The following KCNH7 variants were observed in gnomAD, a reference collection of about 807,000 sequenced individuals.
The protein encoded by KCNH7 is voltage-gated inwardly rectifying potassium channel KCNH7.
In KCNH7, 49 loss-of-function variants were observed where a neutral mutation model predicts 120.8. The ratio of observed to expected loss-of-function variants is 0.41; its 90% CI spans 0.32 to 0.51. The LOEUF is 0.51. Ranked by LOEUF, KCNH7 falls within the 20% of genes least tolerant of loss-of-function variation. The pLI is 0.38. For missense variants in KCNH7, 1,097 were observed against 1,446.6 expected, an observed-to-expected ratio of 0.76 and a Z score of 3.92; for synonymous variants, 547 against 516.1, an observed-to-expected ratio of 1.06 and a Z score of -0.81.
intron 2 of KCNH7, among the ~76,000 whole-genome samples, chr2:162,539,161 A>C (rs551617016): frequency 1.3e-5 from 2 of 152,246 alleles, no homozygotes; most frequent in Admixed American, 1.3e-4. Context: ...AAGCAATTTA[A>C]GACTGTTCTA....
intron 2 of KCNH7, among the ~76,000 whole-genome samples, chr2:162,707,772 C>T (rs1686766498): frequency 6.6e-6 from 1 of 152,100 alleles, no homozygotes; most frequent in South Asian, 2.1e-4. Flanking sequence ...TCTGACATCA[C>T]CTACTACTAC....
intron 2 of KCNH7, among the ~76,000 whole-genome samples, chr2:162,738,645 A>T (rs556920780): frequency 1.3e-5 from 2 of 152,274 alleles, no homozygotes; most frequent in South Asian, 4.1e-4. Flanking sequence ...AAAAAAAGAA[A>T]ATCAGTGTGT....
intron 2 of KCNH7, among the ~76,000 whole-genome samples, chr2:162,711,156 G>A (rs1264319113): frequency 1.3e-5 from 2 of 152,224 alleles, no homozygotes; most frequent in African/African-American, 4.8e-5. Flanking sequence ...TTATTAAGGG[G>A]AAATGTAGAT....
At position 162,565,273 on chromosome 2, in the gene KCNH7, C is replaced by A. The variant is rs147584579; in HGVS notation, c.308-28193G>T. ...TAACATAAAATATTTATTTCCTGATCATCACTTGTTTAGCAACAATGCAAA... is the reference window on the plus strand; with the variant it reads ...TAACATAAAATATTTATTTCCTGATAATCACTTGTTTAGCAACAATGCAAA... On this transcript the variant is annotated intron_variant, in intron 2 of 15. Coordinates refer to ENST00000332142, the MANE Select transcript of KCNH7 (RefSeq NM_033272.4). Among the ~76,000 whole-genome samples the A allele has an allele frequency of 4.2e-3, 636 of 152,066 alleles. 13 individuals are homozygous for A. Among genetic ancestry groups the A allele is most frequent in the African/African-American group, 0.014 (593 of 41,494 alleles).
At chr2:162,802,039 A>G (rs2105545182) in intron 2 of KCNH7, among the ~76,000 whole-genome samples, 1 of 151,890 alleles carries the variant, frequency 6.6e-6, no homozygotes. Flanking sequence ...TCACCTAGGA[A>G]TCTTAAGCCA....
At chr2:162,592,289 T>C (rs1405466039) in intron 2 of KCNH7, among the ~76,000 whole-genome samples, 2 of 151,998 alleles carry the variant, frequency 1.3e-5, no homozygotes, top group South Asian at 2.1e-4. Context: ...GAGGCTGATA[T>C]GGTTGTAAGT....
chr2:162,603,024 G>T (rs1694610079), intron 2 of KCNH7, among the ~76,000 whole-genome samples: 2 of 151,718 alleles, frequency 1.3e-5, no homozygotes, highest in Admixed American at 6.6e-5. Context: ...ACTACACAGG[G>T]TTGGACTAGT....
intron 3 of KCNH7, among the ~76,000 whole-genome samples, chr2:162,521,519 T>G (rs1451266121): frequency 6.6e-6 from 1 of 151,910 alleles, no homozygotes; most frequent in African/African-American, 2.4e-5. Flanking sequence ...AATTTGAGAA[T>G]TTAAGAAGGC....
At chr2:162,555,170 G>C (rs902333777) in intron 2 of KCNH7, among the ~76,000 whole-genome samples, 2 of 152,168 alleles carry the variant, frequency 1.3e-5, no homozygotes, top group African/African-American at 4.8e-5. Context: ...TTCATAGAAA[G>C]CTTGATATTT....
At position 162,423,540 on chromosome 2, in the gene KCNH7, A is replaced by G. The variant is rs565500883; in HGVS notation, c.1955-5T>C. The stretch of plus-strand genomic sequence containing the variant: ...AAATGCTTGCATACATTAGTGCTGG[A>G]TTGGATAAAAAACAAAGTTATCGGG... On this transcript the variant is annotated splice_polypyrimidine_tract_variant and splice_region_variant and intron_variant, in intron 8 of 15. Coordinates refer to ENST00000332142, the MANE Select transcript of KCNH7 (RefSeq NM_033272.4). 18 of 1,610,480 alleles carry G rather than the reference A, an allele frequency of 1.1e-5. No homozygotes were observed. In the African/African-American group the frequency reaches 2.4e-4, roughly 21 times the overall value.
rs553339964 is a variant in KCNH7, at chr2:162,377,264, C to CA, written c.3131+2588dup. On this transcript the variant is annotated intron_variant, in intron 14 of 15. Coordinates refer to ENST00000332142, the MANE Select transcript of KCNH7 (RefSeq NM_033272.4). ...TTTTGGATTTTAAATCCCAAACGAG[C>CA]AAAAAAAAAAAAAGTGTGAAAATAT... Among the ~76,000 whole-genome samples, 477 of 114,946 alleles carry CA rather than the reference C, an allele frequency of 4.1e-3. 5 individuals carry two copies. The highest frequency in any genetic ancestry group is 0.014 in the South Asian group (49 of 3,572). 75.4% of individuals were successfully genotyped at this position (114,946 alleles called of 152,430 possible). A position where few individuals can be genotyped will look rare whatever the true frequency, so the allele number is the denominator to read the frequency against.
intron 2 of KCNH7, among the ~76,000 whole-genome samples, chr2:162,781,066 A>T (rs911105620): frequency 2.6e-5 from 4 of 152,066 alleles, no homozygotes; most frequent in Admixed American, 2.0e-4. Flanking sequence ...GAGATTAAAG[A>T]TACTCTATTT....
intron 2 of KCNH7, among the ~76,000 whole-genome samples, chr2:162,569,370 G>T (rs1362227256): frequency 6.6e-6 from 1 of 151,294 alleles, no homozygotes; most frequent in East Asian, 1.9e-4. Flanking sequence ...GGGATCGGTG[G>T]TGATATCCTC....
chr2:162,729,914 T>C (rs1257491922), intron 2 of KCNH7, among the ~76,000 whole-genome samples: 1 of 152,116 alleles, frequency 6.6e-6, no homozygotes, highest in African/African-American at 2.4e-5. Context: ...GATGATCATA[T>C]GGTTTTCCTA....
At chr2:162,732,916 C>T (rs1461479930) in intron 2 of KCNH7, among the ~76,000 whole-genome samples, 2 of 152,160 alleles carry the variant, frequency 1.3e-5, no homozygotes, top group Non-Finnish European at 2.9e-5. Flanking sequence ...GTTAATCTGG[C>T]ACTTTGTTTT....
intron 3 of KCNH7, among the ~76,000 whole-genome samples, chr2:162,525,237 T>C (rs945974439): frequency 3.9e-5 from 6 of 151,950 alleles, no homozygotes; most frequent in African/African-American, 1.4e-4. Context: ...CTGTAAGTTA[T>C]GAGTTAAAGG....
At chr2:162,748,872 CCTTCCCCTCCCTCCCTCCCT>C (rs1688422315) in intron 2 of KCNH7, among the ~76,000 whole-genome samples, 1 of 89,070 alleles carries the variant, frequency 1.1e-5, no homozygotes, top group Admixed American at 1.0e-4. Context: ...CTCCCCTCCC[CCTTCCCCTCCCTCCCTCCCT>C]TCTTTCCTTC....
intron 2 of KCNH7, among the ~76,000 whole-genome samples, chr2:162,654,069 C>T (rs13384416): frequency 0.22 from 33,035 of 150,732 alleles, 5,587 homozygotes; most frequent in African/African-American, 0.47. Flanking sequence ...AAAAAAGCTC[C>T]ATGACCTTAG....
At chr2:162,413,729 G>T (rs1215225911) in intron 9 of KCNH7, among the ~76,000 whole-genome samples, 1 of 151,556 alleles carries the variant, frequency 6.6e-6, no homozygotes, top group East Asian at 1.9e-4. Flanking sequence ...TTTTAAAACA[G>T]GAAAGGATCT....
Sources: allele counts gnomAD v4.1 joint callset (sites outside exome capture counted in the v4.1 genomes callset), GRCh38; gene constraint gnomAD v4.1.1; transcripts MANE v1.5; gene names NCBI Gene and HGNC (gene_info 2026-07-23, HGNC 2026-07-21).